Variants in KIAA1328 observed in about 807,000 individuals in gnomAD.
The protein encoded by KIAA1328 is protein hinderin.
Under a neutral mutation model 68.1 loss-of-function variants are expected in KIAA1328, and 52 were observed. That is an observed-to-expected ratio of 0.76 (90% CI 0.61 to 0.96). The LOEUF is 0.96. KIAA1328 is among the 40% of genes least tolerant of loss of function. KIAA1328 has a pLI of 0.00. For missense variants in KIAA1328, 641 were observed against 677.6 expected (o/e 0.95, Z 0.60); for synonymous variants, 232 against 239.4 (o/e 0.97, Z 0.28).
intron 9 of KIAA1328, among the ~76,000 whole-genome samples, chr18:37,207,322 C>T (rs538509617): frequency 6.6e-6 from 1 of 152,154 alleles, no homozygotes; most frequent in East Asian, 1.9e-4. Flanking sequence ...CAGCTTATGA[C>T]CACCCCTGGT....
rs1237980602 is a variant in KIAA1328, at chr18:37,096,604, T to G, written c.1232+29059T>G. Among the ~76,000 whole-genome samples the G allele has an allele frequency of 5.9e-5, 9 of 152,204 alleles. 1 individual carries two copies. Among genetic ancestry groups the G allele is most frequent in the Admixed American group, 5.9e-4 (9 of 15,276 alleles). ...TTGGGTATATACCCAGTAATGGGAT[T>G]GCTGGGTCAAATGGTATTTCTAGTT... On this transcript the variant is annotated intron_variant, in intron 7 of 9. Coordinates refer to ENST00000280020, the MANE Select transcript of KIAA1328 (RefSeq NM_020776.3).
intron 4 of KIAA1328, among the ~76,000 whole-genome samples, chr18:36,873,165 C>T (rs976711579): frequency 2.6e-5 from 4 of 152,058 alleles, no homozygotes; most frequent in African/African-American, 9.7e-5. Flanking sequence ...AATAATCTTT[C>T]CTTCAATTTC....
chr18:37,059,349 A>G (rs1404947033), intron 6 of KIAA1328, among the ~76,000 whole-genome samples: 1 of 152,192 alleles, frequency 6.6e-6, no homozygotes, highest in Non-Finnish European at 1.5e-5. Flanking sequence ...TTTACATGAA[A>G]AAAACAACCC....
At chr18:37,145,234 T>G (rs1190578566) in intron 7 of KIAA1328, among the ~76,000 whole-genome samples, 1 of 152,162 alleles carries the variant, frequency 6.6e-6, no homozygotes, top group African/African-American at 2.4e-5. Context: ...AAAAAAAGTA[T>G]GTTAAATAAT....
chr18:37,081,538 T>C (rs1055157292), intron 7 of KIAA1328, among the ~76,000 whole-genome samples: 2 of 152,234 alleles, frequency 1.3e-5, no homozygotes, highest in Non-Finnish European at 1.5e-5. Context: ...AGAATATCTA[T>C]CTCAAATGAA....
chr18:37,123,827 C>T (rs1252792363), intron 7 of KIAA1328, among the ~76,000 whole-genome samples: 1 of 152,118 alleles, frequency 6.6e-6, no homozygotes, highest in Admixed American at 6.6e-5. Context: ...TTAAAATACA[C>T]ACACACATAT....
At chr18:37,089,923 T>C (rs2057221462) in intron 7 of KIAA1328, among the ~76,000 whole-genome samples, 1 of 152,348 alleles carries the variant, frequency 6.6e-6, no homozygotes, top group African/African-American at 2.4e-5. Flanking sequence ...ACTTTTGAAA[T>C]CATTACCATC....
chr18:37,053,261 G>C (rs1441215601), intron 6 of KIAA1328, among the ~76,000 whole-genome samples: 1 of 152,164 alleles, frequency 6.6e-6, no homozygotes, highest in African/African-American at 2.4e-5. Flanking sequence ...AATAAATGGT[G>C]CTGGGAAAAT....
chr18:37,022,057 T>TTAAAATAAAATAAAA (rs757915141), intron 6 of KIAA1328, among the ~76,000 whole-genome samples: 28 of 151,300 alleles, frequency 1.9e-4, no homozygotes, highest in African/African-American at 6.5e-4. Flanking sequence ...AATTAATTAA[T>TTAAAATAAAATAAAA]TAAAATAAAA....
chr18:37,023,363 T>G (rs1047376272), intron 6 of KIAA1328, among the ~76,000 whole-genome samples: 7 of 152,282 alleles, frequency 4.6e-5, no homozygotes, highest in Middle Eastern at 3.4e-3. Context: ...TGCAGGCATG[T>G]GCCACTAAGC....
chr18:37,122,222 G>T (rs889380383), intron 7 of KIAA1328, among the ~76,000 whole-genome samples: 1 of 152,100 alleles, frequency 6.6e-6, no homozygotes, highest in Non-Finnish European at 1.5e-5. Context: ...ATTTCAAGAA[G>T]AGAGTAATAA....
chr18:37,129,172 A>G (rs1377156210), intron 7 of KIAA1328, among the ~76,000 whole-genome samples: 1 of 152,210 alleles, frequency 6.6e-6, no homozygotes, highest in Admixed American at 6.5e-5. Flanking sequence ...CCATACCTCA[A>G]TATTAAAAAA....
At chr18:37,115,673 G>T (rs562896437) in intron 7 of KIAA1328, among the ~76,000 whole-genome samples, 1 of 152,292 alleles carries the variant, frequency 6.6e-6, no homozygotes, top group African/African-American at 2.4e-5. Flanking sequence ...TGGGCAATCA[G>T]GCTGGAGAAA....
intron 5 of KIAA1328, among the ~76,000 whole-genome samples, chr18:36,890,804 A>G (rs1244027701): frequency 6.6e-6 from 1 of 152,216 alleles, no homozygotes; most frequent in African/African-American, 2.4e-5. Context: ...ACAAAAAATG[A>G]TATCAGATAT....
At chr18:36,949,595 G>GCCCCCCCCCCCCC (rs1241515530) in intron 5 of KIAA1328, among the ~76,000 whole-genome samples, 1 of 38,974 alleles carries the variant, frequency 2.6e-5, no homozygotes, top group Non-Finnish European at 4.9e-5. Context: ...TTTCTACCCA[G>GCCCCCCCCCCCCC]CTCCCCCCCC....
intron 5 of KIAA1328, among the ~76,000 whole-genome samples, chr18:36,935,623 C>G (rs1485803522): frequency 6.6e-6 from 1 of 152,034 alleles, no homozygotes; most frequent in East Asian, 1.9e-4. Flanking sequence ...GGGGAGTGAT[C>G]CTTTCATAGT....
At chr18:36,861,252 A>G (rs1403448683) in intron 4 of KIAA1328, among the ~76,000 whole-genome samples, 1 of 151,854 alleles carries the variant, frequency 6.6e-6, no homozygotes, top group Non-Finnish European at 1.5e-5. Flanking sequence ...TCTCAAGATT[A>G]TATTGTTTTC....
chr18:37,188,024 A>T (rs772988223), intron 9 of KIAA1328, among the ~76,000 whole-genome samples: 7 of 152,222 alleles, frequency 4.6e-5, no homozygotes, highest in Non-Finnish European at 1.0e-4. Context: ...AGTAAGATAG[A>T]TTACCCATGA....
At chr18:37,199,198 G>A (rs1244737138) in intron 9 of KIAA1328, among the ~76,000 whole-genome samples, 2 of 152,018 alleles carry the variant, frequency 1.3e-5, no homozygotes, top group East Asian at 1.9e-4. Flanking sequence ...TTATCCCCTC[G>A]GTATGAAGCC....
Sources: gnomAD v4.1 joint callset for allele counts (sites outside exome capture counted in the v4.1 genomes callset) on GRCh38, gnomAD v4.1.1 for gene constraint, MANE v1.5 for transcripts, NCBI Gene and HGNC (gene_info 2026-07-23, HGNC 2026-07-21) for gene names.